Variants in HHAT observed in about 807,000 individuals in gnomAD.
The protein encoded by HHAT is hedgehog acyltransferase.
In HHAT, 47 loss-of-function variants were observed where a neutral mutation model predicts 70.8. The ratio of observed to expected loss-of-function variants is 0.66; its 90% CI spans 0.53 to 0.85. The LOEUF (loss-of-function observed/expected upper bound fraction) is 0.85, where lower values mean the gene tolerates loss of function less well. HHAT is among the 40% of genes least tolerant of loss of function. The probability of loss-of-function intolerance (pLI) is 0.00; values close to 1 mark genes in which losing one functional copy is unlikely to be tolerated. For synonymous variants in HHAT, 228 were observed against 247.6 expected (o/e 0.92, Z 0.74); for missense variants, 609 against 604.8 (o/e 1.01, Z -0.07).
intron 10 of HHAT, among the ~76,000 whole-genome samples, chr1:210,605,982 G>A (rs1665325008): frequency 2.1e-5 from 1 of 46,652 alleles, no homozygotes; most frequent in Non-Finnish European, 9.2e-5. Context: ...TCAGCCTCCT[G>A]AGTAGCGGGA....
At chr1:210,374,145 A>T (rs12087955) in intron 3 of HHAT, 1 of 152,142 alleles carries the variant, frequency 6.6e-6, no homozygotes. Flanking sequence ...TTTTTTTATA[A>T]AACATGATCT....
intron 8 of HHAT, among the ~76,000 whole-genome samples, chr1:210,468,169 G>A (rs2094140483): frequency 1.3e-5 from 2 of 152,154 alleles, no homozygotes; most frequent in South Asian, 4.1e-4. Context: ...TTATGGACCT[G>A]AGAAATTGAT....
intron 7 of HHAT, among the ~76,000 whole-genome samples, chr1:210,441,824 GTACACACACATATA>G (rs975422290): frequency 9.3e-4 from 141 of 151,582 alleles, no homozygotes; most frequent in African/African-American, 3.3e-3. Flanking sequence ...GTATATATAT[GTACACACACATATA>G]TACACACACA....
At chr1:210,573,570 G>A (rs752765556) in intron 9 of HHAT, among the ~76,000 whole-genome samples, 1 of 152,144 alleles carries the variant, frequency 6.6e-6, no homozygotes, top group South Asian at 2.1e-4. Flanking sequence ...ATCACAACTT[G>A]AGTACTTTAA....
intron 1 of HHAT, chr1:210,329,567 A>G: frequency 1.2e-6 from 1 of 840,334 alleles, no homozygotes; most frequent in African/African-American, 1.8e-5. Flanking sequence ...GCAGGTCTTT[A>G]TGCGGAAAAA....
chr1:210,538,485 A>C (rs2095397022), intron 9 of HHAT, among the ~76,000 whole-genome samples: 3 of 152,186 alleles, frequency 2.0e-5, no homozygotes, highest in Non-Finnish European at 4.4e-5. Context: ...GAAGGGAAGA[A>C]AAATGGAGTT....
intron 5 of HHAT, among the ~76,000 whole-genome samples, chr1:210,401,031 A>AC (rs2092045550): frequency 6.6e-6 from 1 of 152,246 alleles, no homozygotes; most frequent in African/African-American, 2.4e-5. Context: ...GGGAATGCAC[A>AC]CATCACTCAA....
rs1463246023 is a variant in HHAT at position 210,623,519 on chromosome 1, C to T, written c.1246-7C>T. Reference sequence around the variant, plus strand: ...CATGAGATGCTTTCTTGCCATTTTTCCCGTAGGCCCGATACTTCTCCCCAC... The same window carrying T: ...CATGAGATGCTTTCTTGCCATTTTTTCCGTAGGCCCGATACTTCTCCCCAC... On this transcript the variant is annotated splice_region_variant and splice_polypyrimidine_tract_variant and intron_variant, in intron 10 of 11. Transcript: ENST00000261458. 9 of 1,613,698 alleles carry T rather than the reference C, an allele frequency of 5.6e-6. No individual in the cohort carries two copies. The highest frequency in any genetic ancestry group is 1.7e-4 in the Middle Eastern group (1 of 6,044).
In HHAT at chr1:210,676,154, C is replaced by G. The variant is rs1681031833; in HGVS notation, c.*1775C>G. ...TCCAAGTATACCATTTATATACAAA[C>G]AAATAGGTTTATTCATTCATTAAAC... On this transcript the variant is annotated 3_prime_UTR_variant, in exon 12 of 12. Transcript: ENST00000261458. The G allele has an allele frequency of 1.3e-5, 2 of 152,142 alleles. No homozygotes were observed. The allele number at this position is 152,142 out of a possible 1,614,324, so 9.4% of individuals were successfully genotyped here. A position where few individuals can be genotyped will look rare whatever the true frequency, so the allele number is the denominator to read the frequency against.
At chr1:210,652,033 A>G (rs1012695645) in intron 11 of HHAT, among the ~76,000 whole-genome samples, 1 of 152,192 alleles carries the variant, frequency 6.6e-6, no homozygotes, top group East Asian at 1.9e-4. Flanking sequence ...CAAGAGCTGG[A>G]GGAAGTAATT....
chr1:210,435,533 G>T lies in HHAT; in HGVS notation c.856+17208G>T, dbSNP rs1175806841. On this transcript the variant is annotated intron_variant, in intron 7 of 11. Transcript: ENST00000261458. ...TATGGTGGTTCTATTTTTGTTTTTT[G>T]GGGGCAGTTTTTATACTGTTTTTCA... Among the ~76,000 whole-genome samples the T allele has an allele frequency of 1.3e-5, 2 of 151,582 alleles. 1 individual carries two copies. Among genetic ancestry groups the T allele is most frequent in the African/African-American group, 4.9e-5 (2 of 41,000 alleles).
At chr1:210,523,404 C>T (rs1379371841) in intron 9 of HHAT, among the ~76,000 whole-genome samples, 1 of 152,202 alleles carries the variant, frequency 6.6e-6, no homozygotes, top group Non-Finnish European at 1.5e-5. Context: ...CAGCCTTCCT[C>T]TCTCTACCTC....
Position 210,575,764 on chromosome 1 carries a change from T to C in HHAT, c.1044-12134T>C, listed in dbSNP as rs182287836. 3.3e-5 allele frequency among the ~76,000 whole-genome samples: 5 copies of C among 152,340 alleles called. No homozygotes were observed. In the East Asian group the frequency reaches 7.7e-4, roughly 24 times the overall value. On this transcript the variant is annotated intron_variant, in intron 9 of 11. Transcript: ENST00000261458. ...GACACATGTGTCATCAGAACTTTGATCTTCCAGGACATCATTAGATCACTT... is the reference window on the plus strand; with the variant it reads ...GACACATGTGTCATCAGAACTTTGACCTTCCAGGACATCATTAGATCACTT...
At chr1:210,525,288 C>T (rs1168735203) in intron 9 of HHAT, among the ~76,000 whole-genome samples, 1 of 152,120 alleles carries the variant, frequency 6.6e-6, no homozygotes, top group Non-Finnish European at 1.5e-5. Context: ...TGAAATCTGT[C>T]ACATAATGTG....
At position 210,386,230 on chromosome 1, in the gene HHAT, C is replaced by CTTTCTTTTTTT. The variant is rs1324452281; in HGVS notation, c.160-1235_160-1234insCTTTTTTTTTT. Among the ~76,000 whole-genome samples, 70 of 69,926 alleles carry CTTTCTTTTTTT rather than the reference C, an allele frequency of 1.0e-3. 7 individuals carry two copies. The highest frequency in any genetic ancestry group is 2.7e-3 in the African/African-American group (43 of 16,050). The allele number at this position is 69,926 out of a possible 152,430, so 45.9% of individuals were successfully genotyped here. ...ATTGCAGGAGTCCTTTTCTTTTTTT[C>CTTTCTTTTTTT]TTTTTTTTTTTTTTTTTTTTTTTTT... is the stretch of plus-strand genomic sequence containing the variant. On this transcript the variant is annotated intron_variant, in intron 3 of 11. Transcript: ENST00000261458.
At chr1:210,454,675 A>G (rs761422737) in intron 7 of HHAT, among the ~76,000 whole-genome samples, 1 of 152,212 alleles carries the variant, frequency 6.6e-6, no homozygotes. Flanking sequence ...AATCAAGTAC[A>G]AGATGTCAGC....
chr1:210,347,783 G>A (rs1300245090), intron 1 of HHAT, among the ~76,000 whole-genome samples: 1 of 152,082 alleles, frequency 6.6e-6, no homozygotes, highest in Non-Finnish European at 1.5e-5. Flanking sequence ...GGACTGAGAG[G>A]CCTCTGTCTT....
intron 7 of HHAT, among the ~76,000 whole-genome samples, chr1:210,449,314 AAC>A (rs1310841121): frequency 1.3e-5 from 2 of 151,982 alleles, no homozygotes; most frequent in Non-Finnish European, 2.9e-5. Flanking sequence ...ATCTTTCAAA[AAC>A]ACAAAATAAA....
At chr1:210,428,231 T>G (rs1205763097) in intron 7 of HHAT, among the ~76,000 whole-genome samples, 1 of 145,510 alleles carries the variant, frequency 6.9e-6, no homozygotes, top group Non-Finnish European at 1.5e-5. Context: ...CCACATCATT[T>G]TTTTCCTATA....
Sources: allele counts gnomAD v4.1 joint callset (sites outside exome capture counted in the v4.1 genomes callset), GRCh38; gene constraint gnomAD v4.1.1; transcripts MANE v1.5; gene names NCBI Gene and HGNC (gene_info 2026-07-23, HGNC 2026-07-21).